The following MSRA variants were observed in gnomAD, a reference collection of about 807,000 sequenced individuals.
The protein encoded by MSRA is methionine sulfoxide reductase A, also known as mitochondrial peptide methionine sulfoxide reductase.
Under a neutral mutation model 31.3 loss-of-function variants are expected in MSRA, and 54 were observed. The observed-to-expected ratio is 1.73, with a 90% CI of 1.39 to 2.17. The LOEUF (loss-of-function observed/expected upper bound fraction) is 2.17, where lower values mean the gene tolerates loss of function less well. Among genes scored for constraint, MSRA ranks in the 30% most tolerant of loss-of-function variants. The pLI is 0.00. For synonymous variants in MSRA, 169 were observed against 116.5 expected (o/e 1.45, Z -2.90); for missense variants, 507 against 300.9 (o/e 1.69, Z -5.07).
At chr8:10,309,029 T>C (rs1018365716) in intron 4 of MSRA, among the ~76,000 whole-genome samples, 1 of 152,322 alleles carries the variant, frequency 6.6e-6, no homozygotes, top group East Asian at 1.9e-4. Flanking sequence ...TCCTTCTCCT[T>C]TAAGTCTCAG....
chr8:10,397,632 G>T (rs1807180184), intron 5 of MSRA, among the ~76,000 whole-genome samples: 1 of 152,198 alleles, frequency 6.6e-6, no homozygotes, highest in South Asian at 2.1e-4. Context: ...CCTAACAGGT[G>T]ATGTCTGCTT....
intron 5 of MSRA, among the ~76,000 whole-genome samples, chr8:10,350,232 A>G (rs921722505): frequency 6.6e-6 from 1 of 152,246 alleles, no homozygotes; most frequent in African/African-American, 2.4e-5. Context: ...CTTTGCAGAT[A>G]GCTCTGGTCC....
At chr8:10,147,693 G>A (rs777660972) in intron 1 of MSRA, among the ~76,000 whole-genome samples, 1 of 152,170 alleles carries the variant, frequency 6.6e-6, no homozygotes, top group Non-Finnish European at 1.5e-5. Flanking sequence ...TGGAAAGGCT[G>A]TAACGAGAAG....
chr8:10,122,081 C>T (rs753591164), intron 1 of MSRA, among the ~76,000 whole-genome samples: 4 of 152,088 alleles, frequency 2.6e-5, no homozygotes, highest in Admixed American at 6.5e-5. Context: ...GGAAGGGGCA[C>T]CACATATCTG....
At chr8:10,386,288 C>G (rs915762735) in intron 5 of MSRA, among the ~76,000 whole-genome samples, 8 of 152,194 alleles carry the variant, frequency 5.3e-5, no homozygotes, top group African/African-American at 1.9e-4. Context: ...ATTCCAGACT[C>G]TTCCGCTGTC....
intron 4 of MSRA, among the ~76,000 whole-genome samples, chr8:10,306,250 G>T (rs545450624): frequency 6.6e-6 from 1 of 152,224 alleles, no homozygotes; most frequent in East Asian, 1.9e-4. Flanking sequence ...CAGAAAAAGG[G>T]ATAATAATGT....
intron 4 of MSRA, among the ~76,000 whole-genome samples, chr8:10,316,858 C>T (rs1245685258): frequency 7.2e-5 from 11 of 152,086 alleles, no homozygotes; most frequent in Admixed American, 7.2e-4. Flanking sequence ...CTTCGGGACA[C>T]CATGGCATGT....
chr8:10,119,668 T>G (rs1329627877), intron 1 of MSRA, among the ~76,000 whole-genome samples: 1 of 152,094 alleles, frequency 6.6e-6, no homozygotes, highest in Non-Finnish European at 1.5e-5. Context: ...TGTGCATGAT[T>G]ATTGGAGAGC....
intron 3 of MSRA, among the ~76,000 whole-genome samples, chr8:10,295,322 G>A (rs976438739): frequency 1.3e-5 from 2 of 152,020 alleles, no homozygotes; most frequent in Non-Finnish European, 2.9e-5. Context: ...GTCGCACTGC[G>A]CTGCCTCTCT....
At chr8:10,402,142 C>A (rs960072861) in intron 5 of MSRA, among the ~76,000 whole-genome samples, 1 of 152,184 alleles carries the variant, frequency 6.6e-6, no homozygotes, top group Admixed American at 6.5e-5. Flanking sequence ...TAGTGCATTT[C>A]GATCGTGAAC....
chr8:10,164,902 C>G (rs900344524), intron 1 of MSRA, among the ~76,000 whole-genome samples: 6 of 152,166 alleles, frequency 3.9e-5, no homozygotes, highest in Non-Finnish European at 8.8e-5. Context: ...GTCGCAGACG[C>G]CTGTATTCCC....
chr8:10,246,239 G>A (rs189507172), intron 3 of MSRA, among the ~76,000 whole-genome samples: 9 of 152,244 alleles, frequency 5.9e-5, no homozygotes, highest in East Asian at 1.9e-4. Context: ...AATATTTACC[G>A]TTGGGTGCTT....
chr8:10,124,494 T>C (rs1329729697), intron 1 of MSRA, among the ~76,000 whole-genome samples: 1 of 152,220 alleles, frequency 6.6e-6, no homozygotes, highest in African/African-American at 2.4e-5. Flanking sequence ...GTGTGACTCT[T>C]ATGGAAAATT....
chr8:10,183,985 C>T (rs10105511), intron 1 of MSRA, among the ~76,000 whole-genome samples: 149,730 of 149,778 alleles, frequency 1, 74,841 homozygotes, highest in Middle Eastern at 1. Context: ...AGTAGTGTTG[C>T]TGGTTTTCTT....
At chr8:10,200,164 C>T (rs556170470) in intron 1 of MSRA, among the ~76,000 whole-genome samples, 6 of 152,306 alleles carry the variant, frequency 3.9e-5, no homozygotes, top group South Asian at 2.1e-4. Flanking sequence ...CGTTCTGCTG[C>T]GTCTGGAGCA....
rs117391959 is a variant in MSRA, at chr8:10,289,705, G to C, written c.332-11829G>C. Reference sequence around the variant, plus strand: ...AAAGACCCCTTCTATTATCATGCTCGTAGGGCCTCTCTAGTTGTCTTTTAA... The same window carrying C: ...AAAGACCCCTTCTATTATCATGCTCCTAGGGCCTCTCTAGTTGTCTTTTAA... On this transcript the variant is annotated intron_variant, in intron 3 of 5. Transcript: ENST00000317173. 2.9e-3 allele frequency among the ~76,000 whole-genome samples: 437 copies of C among 152,226 alleles called. 2 individuals carry two copies. The highest frequency in any genetic ancestry group is 0.012 in the South Asian group (57 of 4,822).
chr8:10,301,016 A>G (rs1800814988), intron 3 of MSRA, among the ~76,000 whole-genome samples: 2 of 152,138 alleles, frequency 1.3e-5, no homozygotes, highest in African/African-American at 4.8e-5. Context: ...TCCCAGTGTT[A>G]ACAGCACAGC....
chr8:10,291,683 C>G (rs567011539), intron 3 of MSRA, among the ~76,000 whole-genome samples: 1 of 152,012 alleles, frequency 6.6e-6, no homozygotes, highest in African/African-American at 2.4e-5. Flanking sequence ...GCCCCTTTCT[C>G]CCTTCAAACA....
At chr8:10,269,589 G>T (rs1449833254) in intron 3 of MSRA, among the ~76,000 whole-genome samples, 1 of 152,182 alleles carries the variant, frequency 6.6e-6, no homozygotes, top group African/African-American at 2.4e-5. Context: ...AGAAAATTTG[G>T]ACATCAGCTT....
Sources: allele counts gnomAD v4.1 joint callset (sites outside exome capture counted in the v4.1 genomes callset), GRCh38; gene constraint gnomAD v4.1.1; transcripts MANE v1.5; gene names NCBI Gene and HGNC (gene_info 2026-07-23, HGNC 2026-07-21).